Variants in GPC5 observed in about 807,000 individuals in gnomAD.
GPC5 encodes the protein glypican 5, also known as glypican-5.
Under a neutral mutation model 53.9 loss-of-function variants are expected in GPC5, and 47 were observed. The ratio of observed to expected loss-of-function variants is 0.87; its 90% CI spans 0.69 to 1.11. The LOEUF is 1.11. GPC5 is among the 50% of genes most tolerant of loss of function. GPC5 has a pLI of 0.00. For missense variants in GPC5, 748 were observed against 713.1 expected, an observed-to-expected ratio of 1.05 and a Z score of -0.56; for synonymous variants, 286 against 263.3, an observed-to-expected ratio of 1.09 and a Z score of -0.84.
intron 2 of GPC5, among the ~76,000 whole-genome samples, chr13:91,676,914 G>A (rs1000358612): frequency 3.3e-5 from 5 of 152,172 alleles, no homozygotes; most frequent in Non-Finnish European, 5.9e-5. Context: ...TTTTAAGGCC[G>A]TTGGAACCAA....
intron 7 of GPC5, among the ~76,000 whole-genome samples, chr13:92,359,621 G>C (rs1036829137): frequency 6.6e-5 from 10 of 151,684 alleles, no homozygotes; most frequent in Non-Finnish European, 1.3e-4. Context: ...TCATGGTTCT[G>C]TAGGCTGTAC....
At chr13:92,062,030 T>C (rs1021810463) in intron 6 of GPC5, among the ~76,000 whole-genome samples, 1 of 151,920 alleles carries the variant, frequency 6.6e-6, no homozygotes. Flanking sequence ...ACAATGCTTG[T>C]TTTCTTGTTA....
chr13:91,680,827 T>C (rs1011225404), intron 2 of GPC5, among the ~76,000 whole-genome samples: 1 of 152,236 alleles, frequency 6.6e-6, no homozygotes. Context: ...TCTTTTCTAT[T>C]AAGTGAGACA....
intron 7 of GPC5, among the ~76,000 whole-genome samples, chr13:92,598,428 G>A (rs1406908756): frequency 6.6e-6 from 1 of 151,618 alleles, no homozygotes; most frequent in Non-Finnish European, 1.5e-5. Flanking sequence ...ATATCCTTAT[G>A]TGTTGCTTTT....
intron 7 of GPC5, among the ~76,000 whole-genome samples, chr13:92,297,552 G>C (rs577416965): frequency 6.6e-6 from 1 of 152,032 alleles, no homozygotes; most frequent in African/African-American, 2.4e-5. Flanking sequence ...TGCACCAATC[G>C]ACACTCTGTA....
chr13:91,469,254 A>G (rs1419601597), intron 2 of GPC5, among the ~76,000 whole-genome samples: 1 of 151,910 alleles, frequency 6.6e-6, no homozygotes, highest in Non-Finnish European at 1.5e-5. Flanking sequence ...GATTACAGAC[A>G]TGCACCACCA....
intron 6 of GPC5, among the ~76,000 whole-genome samples, chr13:91,962,350 C>T (rs951166149): frequency 6.6e-6 from 1 of 152,106 alleles, no homozygotes; most frequent in East Asian, 1.9e-4. Flanking sequence ...CTATTCTCTT[C>T]TTCAACTACT....
At chr13:92,094,151 T>C (rs559371687) in intron 6 of GPC5, among the ~76,000 whole-genome samples, 63 of 152,308 alleles carry the variant, frequency 4.1e-4, no homozygotes, top group African/African-American at 1.4e-3. Flanking sequence ...AATTCAATGT[T>C]TGGTAGCTGT....
chr13:92,091,528 T>G (rs2041380298), intron 6 of GPC5, among the ~76,000 whole-genome samples: 2 of 152,124 alleles, frequency 1.3e-5, no homozygotes, highest in Admixed American at 1.3e-4. Flanking sequence ...TAATTCCAAC[T>G]ACTAGCTACT....
intron 2 of GPC5, among the ~76,000 whole-genome samples, chr13:91,668,010 T>C (rs905569782): frequency 6.6e-6 from 1 of 152,234 alleles, no homozygotes; most frequent in African/African-American, 2.4e-5. Flanking sequence ...TTGTTAATAT[T>C]TCATGTCTTT....
intron 2 of GPC5, among the ~76,000 whole-genome samples, chr13:91,647,650 T>TA (rs1474386676): frequency 1.3e-5 from 2 of 152,190 alleles, no homozygotes; most frequent in African/African-American, 4.8e-5. Context: ...AGGCTGCCCT[T>TA]ACAGTTTTGC....
At chr13:91,745,060 G>T (rs1052151108) in intron 4 of GPC5, among the ~76,000 whole-genome samples, 1 of 152,030 alleles carries the variant, frequency 6.6e-6, no homozygotes, top group Non-Finnish European at 1.5e-5. Context: ...TGAACACTTG[G>T]TCGAGTGTTT....
intron 6 of GPC5, among the ~76,000 whole-genome samples, chr13:91,949,212 AC>A (rs2040003762): frequency 6.6e-6 from 1 of 152,204 alleles, no homozygotes; most frequent in South Asian, 2.1e-4. Context: ...TAAGGTAAAA[AC>A]GAAGGACAGT....
At chr13:92,429,281 C>T (rs1258339463) in intron 7 of GPC5, among the ~76,000 whole-genome samples, 1 of 151,834 alleles carries the variant, frequency 6.6e-6, no homozygotes, top group Non-Finnish European at 1.5e-5. Context: ...TCATTAAGTT[C>T]CTCCCCAAGT....
chr13:92,111,614 C>T (rs1411250526), intron 6 of GPC5, among the ~76,000 whole-genome samples: 14 of 151,784 alleles, frequency 9.2e-5, no homozygotes, highest in South Asian at 6.2e-4. Context: ...ACAATGCTAT[C>T]GCATAAGTGC....
intron 7 of GPC5, among the ~76,000 whole-genome samples, chr13:92,646,971 T>TAA (rs201859277): frequency 0.015 from 2,283 of 151,156 alleles, 76 homozygotes; most frequent in African/African-American, 0.052. Flanking sequence ...TGTGTGTATA[T>TAA]AAACCTGGCA....
At chr13:92,699,686 C>G (rs1887667158) in intron 7 of GPC5, among the ~76,000 whole-genome samples, 1 of 152,088 alleles carries the variant, frequency 6.6e-6, no homozygotes, top group African/African-American at 2.4e-5. Flanking sequence ...TCGTTATTTT[C>G]CCAGTAGTCA....
chr13:92,552,010 C>T (rs1253644001), intron 7 of GPC5, among the ~76,000 whole-genome samples: 1 of 151,884 alleles, frequency 6.6e-6, no homozygotes, highest in Non-Finnish European at 1.5e-5. Flanking sequence ...TGAGATGTTA[C>T]TGTGCTAATA....
At position 92,144,814 on chromosome 13, in the gene GPC5, C is replaced by A; in HGVS notation, c.1402-16C>A. On this transcript the variant is annotated splice_polypyrimidine_tract_variant and intron_variant, in intron 6 of 7. Coordinates refer to ENST00000377067, the MANE Select transcript of GPC5 (RefSeq NM_004466.6). ...AAATTTGCTATTAGTAAAGGCCTTT[C>A]TTTATGTACAATTAGTTGTTACAGG... 6.2e-7 allele frequency: 1 copy of A among 1,603,406 alleles called. No individual in the cohort carries two copies. Among genetic ancestry groups the A allele is most frequent in the Non-Finnish European group, 8.5e-7 (1 of 1,175,438 alleles).
Sources: gnomAD v4.1 joint callset for allele counts (sites outside exome capture counted in the v4.1 genomes callset) on GRCh38, gnomAD v4.1.1 for gene constraint, MANE v1.5 for transcripts, NCBI Gene and HGNC (gene_info 2026-07-23, HGNC 2026-07-21) for gene names.